Variants in CDH2 observed in about 807,000 individuals in gnomAD.
CDH2 encodes the protein cadherin 2.
A neutral mutation model predicts 92.0 loss-of-function variants in CDH2; 17 were observed. The ratio of observed to expected loss-of-function variants is 0.18; its 90% CI spans 0.13 to 0.28. The LOEUF (loss-of-function observed/expected upper bound fraction) is 0.28. CDH2 is among the 10% of genes least tolerant of loss of function. CDH2 has a pLI of 1.00. For missense variants in CDH2, 862 were observed against 1,133.1 expected (o/e 0.76, Z 3.44); for synonymous variants, 419 against 415.9 (o/e 1.01, Z -0.09).
chr18:28,050,088 GC>G (rs2014161124), intron 2 of CDH2, among the ~76,000 whole-genome samples: 1 of 152,128 alleles, frequency 6.6e-6, no homozygotes. Context: ...TCTAAGCCCA[GC>G]CTGGATAAGC....
intron 2 of CDH2, among the ~76,000 whole-genome samples, chr18:28,092,097 TG>T (rs2015047826): frequency 1.3e-5 from 2 of 152,078 alleles, no homozygotes; most frequent in East Asian, 3.9e-4. Flanking sequence ...CATCACATAC[TG>T]GGGTTTAGGA....
intron 2 of CDH2, among the ~76,000 whole-genome samples, chr18:28,096,795 C>T (rs1312890642): frequency 6.6e-6 from 1 of 152,118 alleles, no homozygotes; most frequent in African/African-American, 2.4e-5. Flanking sequence ...TGTGAAATGC[C>T]ACGTGCACTT....
intron 2 of CDH2, among the ~76,000 whole-genome samples, chr18:28,051,744 G>C (rs1479047432): frequency 1.3e-5 from 2 of 151,998 alleles, no homozygotes; most frequent in African/African-American, 4.8e-5. Context: ...TAAATCTATA[G>C]GGAAACTACA....
At chr18:28,106,416 C>CAAGA (rs1372656119) in intron 2 of CDH2, among the ~76,000 whole-genome samples, 4 of 142,870 alleles carry the variant, frequency 2.8e-5, no homozygotes, top group Non-Finnish European at 6.1e-5. Flanking sequence ...GATTGCATTT[C>CAAGA]AAGAAAGAAA....
intron 2 of CDH2, among the ~76,000 whole-genome samples, chr18:28,044,433 T>A (rs1418451232): frequency 6.6e-6 from 1 of 152,202 alleles, no homozygotes; most frequent in African/African-American, 2.4e-5. Flanking sequence ...AAGAATACTA[T>A]CACACCCCCT....
intron 15 of CDH2, among the ~76,000 whole-genome samples, chr18:27,961,279 T>TTAAG (rs1048387573): frequency 9.3e-5 from 14 of 151,168 alleles, no homozygotes; most frequent in African/African-American, 3.4e-4. Context: ...TACTAGATGT[T>TTAAG]TAAGTTATAA....
chr18:28,121,259 T>C (rs1045251518), intron 2 of CDH2, among the ~76,000 whole-genome samples: 13 of 152,108 alleles, frequency 8.5e-5, no homozygotes, highest in African/African-American at 3.1e-4. Flanking sequence ...ATTGTTTTCT[T>C]AAAGGAACAT....
intron 2 of CDH2, among the ~76,000 whole-genome samples, chr18:28,062,227 A>G (rs1172862305): frequency 6.6e-5 from 10 of 152,212 alleles, no homozygotes; most frequent in African/African-American, 2.4e-4. Flanking sequence ...ATCTCTTTTT[A>G]AAAATTGAAA....
chr18:28,025,121 T>C (rs910956900), intron 2 of CDH2, among the ~76,000 whole-genome samples: 2 of 152,158 alleles, frequency 1.3e-5, no homozygotes, highest in Admixed American at 6.5e-5. Context: ...TTTGTGGTGG[T>C]TGCTCCATGA....
intron 2 of CDH2, among the ~76,000 whole-genome samples, chr18:28,076,454 T>C (rs1162864250): frequency 1.3e-5 from 2 of 152,178 alleles, no homozygotes; most frequent in African/African-American, 4.8e-5. Flanking sequence ...GATGATTATA[T>C]GATTTAATTC....
chr18:27,935,288 T>C (rs1447800556), intron 6 of CDH2, among the ~76,000 whole-genome samples: 2 of 152,084 alleles, frequency 1.3e-5, no homozygotes, highest in Admixed American at 6.6e-5. Flanking sequence ...CTTCTAGTTA[T>C]AGAGGAAAGC....
At position 27,990,213 on chromosome 18, in the gene CDH2, G is replaced by T. The variant is rs771364472; in HGVS notation, c.1482C>A (p.Asn494Lys). 1 of 1,614,104 alleles carries T rather than the reference G, an allele frequency of 6.2e-7. No individual in the cohort carries two copies. Among genetic ancestry groups the T allele is most frequent in the Non-Finnish European group, 8.5e-7 (1 of 1,180,006 alleles). The part of the protein sequence containing the change: ...VSVTVIDVNE[N>K]PYFAPNPKII... ...TCTTAGGATTGGGGGCAAAATAAGGGTTTTCATTTACGTCAATAACTGTAA... is the reference window on the plus strand; with the variant it reads ...TCTTAGGATTGGGGGCAAAATAAGGTTTTTCATTTACGTCAATAACTGTAA... The change falls in exon 10 of 16, where the codon AAC becomes AAA. Residue 494 changes from asparagine to lysine, a missense_variant. Asn to Lys is a moderately conservative substitution (Grantham distance 94). Around this residue, in one of 5 missense-constraint regions of CDH2, gnomAD observed 564 missense variants for 722.2 expected, o/e 0.78. Transcript: ENST00000269141.
At chr18:28,076,664 A>G (rs546725791) in intron 2 of CDH2, among the ~76,000 whole-genome samples, 7 of 150,076 alleles carry the variant, frequency 4.7e-5, no homozygotes, top group Admixed American at 2.0e-4. Flanking sequence ...TACATTAGGT[A>G]TATCTCCTAA....
At chr18:28,152,713 G>A (rs2016143998) in intron 1 of CDH2, among the ~76,000 whole-genome samples, 1 of 152,186 alleles carries the variant, frequency 6.6e-6, no homozygotes, top group Non-Finnish European at 1.5e-5. Context: ...GGGAGCCAGG[G>A]ACAGATTTTA....
At chr18:28,095,589 G>T (rs1449207138) in intron 2 of CDH2, among the ~76,000 whole-genome samples, 1 of 151,958 alleles carries the variant, frequency 6.6e-6, no homozygotes, top group Non-Finnish European at 1.5e-5. Flanking sequence ...AGGCCAAGGC[G>T]GGCAGATCAC....
intron 14 of CDH2, among the ~76,000 whole-genome samples, chr18:27,965,943 G>A (rs1034374968): frequency 1.6e-5 from 2 of 125,796 alleles, no homozygotes; most frequent in East Asian, 2.4e-4. Flanking sequence ...AGACAAGATC[G>A]CATCACTGTA....
At chr18:28,152,001 T>TA (rs1168540497) in intron 1 of CDH2, among the ~76,000 whole-genome samples, 1 of 151,406 alleles carries the variant, frequency 6.6e-6, no homozygotes, top group Non-Finnish European at 1.5e-5. Context: ...TCTTGAAAGA[T>TA]ATTCTTCTTC....
At chr18:28,090,074 TC>T (rs1240342236) in intron 2 of CDH2, among the ~76,000 whole-genome samples, 1 of 152,186 alleles carries the variant, frequency 6.6e-6, no homozygotes, top group Non-Finnish European at 1.5e-5. Context: ...AACTTGGAGA[TC>T]AATTAGTCTG....
chr18:28,156,190 C>G (rs1437067993), intron 1 of CDH2, among the ~76,000 whole-genome samples: 2 of 152,114 alleles, frequency 1.3e-5, no homozygotes, highest in Non-Finnish European at 2.9e-5. Flanking sequence ...CCTTGAGTAT[C>G]TCTAGTATCA....
Sources: gnomAD v4.1 joint callset for allele counts (sites outside exome capture counted in the v4.1 genomes callset) on GRCh38, gnomAD v4.1.1 for gene constraint, gnomAD v4.1.1 regional missense constraint, MANE v1.5 for transcripts, NCBI Gene and HGNC (gene_info 2026-07-23, HGNC 2026-07-21) for gene names.